SLC26A11: variants seen among roughly 807,000 people sequenced by gnomAD.
SLC26A11 encodes sodium-independent sulfate anion transporter.
A neutral mutation model predicts 62.2 loss-of-function variants in SLC26A11; 58 were observed. That is an observed-to-expected ratio of 0.93 (90% CI 0.76 to 1.16). The LOEUF is 1.16. Among genes scored for constraint, SLC26A11 ranks in the 50% most tolerant of loss-of-function variants. The pLI is 0.00. For synonymous variants in SLC26A11, 411 were observed against 368.9 expected, an observed-to-expected ratio of 1.11 and a Z score of -1.31; for missense variants, 790 against 794.3, an observed-to-expected ratio of 0.99 and a Z score of 0.06.
chr17:80,249,491 A>C (rs1333418308), intron 16 of SLC26A11, among the ~76,000 whole-genome samples: 1 of 152,192 alleles, frequency 6.6e-6, no homozygotes, highest in African/African-American at 2.4e-5. Context: ...GGTGGCCCCC[A>C]GCCCTCCGAG....
intron 9 of SLC26A11, among the ~76,000 whole-genome samples, chr17:80,239,077 ATTTT>A (rs111257231): frequency 0.16 from 19,452 of 122,096 alleles, 1,909 homozygotes; most frequent in African/African-American, 0.31. Context: ...CCTCCCAGTA[ATTTT>A]TTTTTTTTTT....
chr17:80,220,730 A>AC (rs1440566984), intron 1 of SLC26A11, among the ~76,000 whole-genome samples, 186 bp from the exon 2 acceptor site: 1 of 142,826 alleles, frequency 7.0e-6, no homozygotes, highest in Admixed American at 6.8e-5. Context: ...TCCTCCGGAG[A>AC]CCCCAGGATC....
chr17:80,251,718 G>A (rs2043161136), intron 17 of SLC26A11, among the ~76,000 whole-genome samples: 1 of 150,890 alleles, frequency 6.6e-6, no homozygotes, highest in Non-Finnish European at 1.5e-5. Flanking sequence ...AGCCGAGATT[G>A]TGCCACTGCA....
At chr17:80,224,773 G>C (rs2042359036) in intron 5 of SLC26A11, among the ~76,000 whole-genome samples, 1 of 152,152 alleles carries the variant, frequency 6.6e-6, no homozygotes, top group African/African-American at 2.4e-5. Flanking sequence ...AGAGCGGAGA[G>C]TGGAGAGTGG....
In SLC26A11 at chr17:80,246,004, C is replaced by T. The variant is rs1006185710; in HGVS notation, c.1098-150C>T. ...GGCTGTCTGTGACTGCACCCTAAGT[C>T]TCTTTGCCTCGGTCCCCTTGCAGTC... is the stretch of plus-strand genomic sequence containing the variant. On this transcript the variant is annotated intron_variant, in intron 11 of 17. Coordinates refer to ENST00000361193, the MANE Select transcript of SLC26A11 (RefSeq NM_001166347.2). This position sits in a 1 kb window ranked among gnomAD's most constrained non-coding sequence, Gnocchi z 4.4. 6 of 906,460 alleles carry T rather than the reference C, an allele frequency of 6.6e-6. No individual in the cohort carries two copies. The highest frequency in any genetic ancestry group is 1.9e-5 in the Admixed American group (1 of 53,638). 56.2% of individuals were successfully genotyped at this position (906,460 alleles called of 1,614,324 possible). A position where few individuals can be genotyped will look rare whatever the true frequency, so the allele number is the denominator to read the frequency against.
intron 16 of SLC26A11, 78 bp from the exon 17 acceptor site, chr17:80,251,251 T>C (rs1225854616): frequency 1.4e-5 from 22 of 1,612,980 alleles, no homozygotes; most frequent in Non-Finnish European, 1.4e-5. Context: ...GACTCTGAGA[T>C]GGCAGGTCTA....
At position 80,246,484 on chromosome 17, in the gene SLC26A11, T is replaced by G. The variant is rs1041957339; in HGVS notation, c.1154-25T>G. The G allele has an allele frequency of 1.9e-6, 3 of 1,606,302 alleles. 1 individual carries two copies. In the South Asian group the frequency reaches 3.3e-5, roughly 18 times the overall value. On this transcript the variant is annotated intron_variant, in intron 12 of 17. Coordinates refer to ENST00000361193, the MANE Select transcript of SLC26A11 (RefSeq NM_001166347.2). This position sits in a 1 kb window ranked among gnomAD's most constrained non-coding sequence, Gnocchi z 4.4. Reference sequence around the variant, plus strand: ...CTGGGGGGACCCTGCACTCCCGAGGTCACCTGTGTTCCCGTGCCCCGCAGG... The same window carrying G: ...CTGGGGGGACCCTGCACTCCCGAGGGCACCTGTGTTCCCGTGCCCCGCAGG...
chr17:80,229,102 C>T (rs968529496), intron 7 of SLC26A11, among the ~76,000 whole-genome samples: 5 of 152,196 alleles, frequency 3.3e-5, no homozygotes, highest in South Asian at 2.1e-4. Flanking sequence ...CAGAATAACC[C>T]GAGCTTGGTC....
chr17:80,241,691 A>G, intron 9 of SLC26A11, 80 bp from the exon 10 acceptor site: 1 of 1,420,964 alleles, frequency 7.0e-7, no homozygotes. Flanking sequence ...AGAAATTCAT[A>G]ATCTGTGTTA....
At position 80,247,680 on chromosome 17, in the gene SLC26A11, G is replaced by A. The variant is rs924701002; in HGVS notation, c.1295-450G>A. Among the ~76,000 whole-genome samples the A allele has an allele frequency of 2.6e-5, 4 of 152,312 alleles. No individual in the cohort carries two copies. The East Asian group carries it at 5.8e-4, about 22-fold the overall frequency. ...TGTGCCGGCGTGGAATGGGATGGCCGCTGCTGCTAGAAACCAAGGCTCAGC... is the reference window on the plus strand; with the variant it reads ...TGTGCCGGCGTGGAATGGGATGGCCACTGCTGCTAGAAACCAAGGCTCAGC... On this transcript the variant is annotated intron_variant, in intron 13 of 17. Transcript: ENST00000361193.
intron 14 of SLC26A11, 21 bp from the exon 15 acceptor site, chr17:80,248,554 A>G (rs775179958): frequency 3.2e-6 from 5 of 1,556,328 alleles, no homozygotes. Context: ...ACCCGCCTCC[A>G]GGACTCACTC....
Position 80,223,257 on chromosome 17 carries a change from C to G in SLC26A11, c.433C>G (p.Leu145Val). The G allele has an allele frequency of 6.2e-7, 1 of 1,614,170 alleles. No individual in the cohort carries two copies. Among genetic ancestry groups the G allele is most frequent in the South Asian group, 1.1e-5 (1 of 91,082 alleles). Reference protein sequence around the residue: ...LAMGVLRLGFLLDFISYPVIK... With the variant: ...LAMGVLRLGFVLDFISYPVIK... ...GTCCCCTCTTGGCTGGCCAGGGTTC[C>G]TGCTGGACTTCATTTCCTACCCCGT... Residue 145 changes from leucine (L) to valine (V), a missense_variant, in exon 5 of 18, where the codon CTG becomes GTG. Transcript: ENST00000361193. The surrounding 1 kb of genome is among the most constrained non-coding windows in gnomAD (Gnocchi z 4.6).
At chr17:80,236,737 C>T (rs555631628) in intron 7 of SLC26A11, 191 bp from the exon 8 acceptor site, 66 of 620,078 alleles carry the variant, frequency 1.1e-4, no homozygotes, top group African/African-American at 1.0e-3. Flanking sequence ...GCAGCTCTGC[C>T]GTCCCACCTG....
At chr17:80,227,667 G>A (rs2042447325) in intron 6 of SLC26A11, 151 bp from the exon 7 acceptor site, 1 of 1,010,274 alleles carries the variant, frequency 9.9e-7, no homozygotes, top group South Asian at 1.7e-5. Context: ...ATTTCCTTGT[G>A]ATACTCACTG....
At position 80,249,218 on chromosome 17, in the gene SLC26A11, G is replaced by A. The variant is rs776914846; in HGVS notation, c.1587G>A (p.Val529=). 1.2e-6 allele frequency: 2 copies of A among 1,611,372 alleles called. No individual in the cohort carries two copies. Among genetic ancestry groups the A allele is most frequent in the South Asian group, 2.2e-5 (2 of 91,002 alleles). The stretch of plus-strand genomic sequence containing the variant: ...TCTGCAGCATCGACTACACTGTGGT[G>A]CTGGGACTCGGCGAGCTCCTCCAGG... ...THVCSIDYTV[V]LGLGELLQDF... Residue 529 remains valine, a synonymous_variant, in exon 16 of 18, where the codon GTG becomes GTA. Coordinates refer to ENST00000361193, the MANE Select transcript of SLC26A11 (RefSeq NM_001166347.2).
rs907572696 is a variant in SLC26A11 at position 80,248,389 on chromosome 17, C to T, written c.1422+132C>T. ...AGGGGACCGCTCGCTGGCAGGTGGG[C>T]AGTCACCTTGCTATAAACCATGGTG... On this transcript the variant is annotated intron_variant, in intron 14 of 17. Coordinates refer to ENST00000361193, the MANE Select transcript of SLC26A11 (RefSeq NM_001166347.2). 12 of 1,358,582 alleles carry T rather than the reference C, an allele frequency of 8.8e-6. No homozygotes were observed. The African/African-American group carries it at 1.4e-4, about 16-fold the overall frequency. 84.2% of individuals were successfully genotyped at this position (1,358,582 alleles called of 1,614,324 possible). A position where few individuals can be genotyped will look rare whatever the true frequency, so the allele number is the denominator to read the frequency against.
intron 9 of SLC26A11, among the ~76,000 whole-genome samples, chr17:80,241,498 G>A (rs1020029024): frequency 4.6e-5 from 7 of 152,194 alleles, no homozygotes; most frequent in Non-Finnish European, 5.9e-5. Flanking sequence ...GGGCTCAAGC[G>A]ATCCTCCTGC....
rs930120951 is a variant in SLC26A11 at position 80,228,019 on chromosome 17, G to A, written c.736+59G>A. On this transcript the variant is annotated intron_variant, in intron 7 of 17. Transcript: ENST00000361193. This position sits in a 1 kb window ranked among gnomAD's most constrained non-coding sequence, Gnocchi z 4.1. Reference sequence around the variant, plus strand: ...TTGGCTGCAGGTTGGGGTCACTTGGGGAGTCCTAGTCCCACCCTAGGGATT... The same window carrying A: ...TTGGCTGCAGGTTGGGGTCACTTGGAGAGTCCTAGTCCCACCCTAGGGATT... The A allele has an allele frequency of 3.3e-6, 5 of 1,522,872 alleles. No homozygotes were observed. Among genetic ancestry groups the A allele is most frequent in the Non-Finnish European group, 4.4e-6 (5 of 1,125,682 alleles). 94.3% of individuals were successfully genotyped at this position (1,522,872 alleles called of 1,614,324 possible). A position where few individuals can be genotyped will look rare whatever the true frequency, so the allele number is the denominator to read the frequency against.
chr17:80,222,406 C>CTTGGACACA lies in SLC26A11; in HGVS notation c.235-248_235-240dup, dbSNP rs1295564796. ...AAAAAAAAAAGAATGCTTCCTCAGA[C>CTTGGACACA]TTGGACACAGCACACGGGCCTGCAC... On this transcript the variant is annotated intron_variant, in intron 3 of 17. Transcript: ENST00000361193. The surrounding 1 kb of genome is among the most constrained non-coding windows in gnomAD (Gnocchi z 4.7). The CTTGGACACA allele has an allele frequency of 9.0e-6, 4 of 445,036 alleles. No individual in the cohort carries two copies. The highest frequency in any genetic ancestry group is 2.0e-5 in the African/African-American group (1 of 49,330). The allele number at this position is 445,036 out of a possible 1,614,324, so 27.6% of individuals were successfully genotyped here.
Sources: allele counts gnomAD v4.1 joint callset (sites outside exome capture counted in the v4.1 genomes callset), GRCh38; gene constraint gnomAD v4.1.1; non-coding constraint Gnocchi (gnomAD v3.1); transcripts MANE v1.5; gene names NCBI Gene and HGNC (gene_info 2026-07-23, HGNC 2026-07-21).